Variants in NDST4 observed in about 807,000 individuals in gnomAD.
NDST4 encodes N-deacetylase and N-sulfotransferase 4.
In NDST4, 63 loss-of-function variants were observed where a neutral mutation model predicts 100.8. The ratio of observed to expected loss-of-function variants is 0.62; its 90% CI spans 0.51 to 0.77. The LOEUF (loss-of-function observed/expected upper bound fraction) is 0.77. NDST4 is among the 30% of genes least tolerant of loss of function. The probability of loss-of-function intolerance (pLI) is 0.00; values close to 1 mark genes in which losing one functional copy is unlikely to be tolerated. For synonymous variants in NDST4, 377 were observed against 361.8 expected (o/e 1.04, Z -0.48); for missense variants, 943 against 1,018.4 (o/e 0.93, Z 1.01).
Position 114,979,249 on chromosome 4 carries a change from C to CTT in NDST4, c.979-1976_979-1975insAA, listed in dbSNP as rs765108301. Among the ~76,000 whole-genome samples the CTT allele has an allele frequency of 7.1e-4, 108 of 151,858 alleles. 1 individual carries two copies. Among genetic ancestry groups the CTT allele is most frequent in the East Asian group, 6.0e-4 (3 of 5,042 alleles). On this transcript the variant is annotated intron_variant, in intron 2 of 13. Transcript: ENST00000264363. ...TTTTTGTATAAAGCCTCCTCTGGTA[C>CTT]ACCAAAGTAGATTCCTAAATTATTT...
rs764464471 is a variant in NDST4 at position 114,977,150 on chromosome 4, A to T, written c.1066+37T>A. The stretch of plus-strand genomic sequence containing the variant: ...ATCATTCAAAATTTATTTCCTATTT[A>T]TATGTAGCTGCCTGAGAACACAAAG... On this transcript the variant is annotated intron_variant, in intron 3 of 13. Coordinates refer to ENST00000264363, the MANE Select transcript of NDST4 (RefSeq NM_022569.3). The T allele has an allele frequency of 4.8e-6, 6 of 1,238,966 alleles. No individual in the cohort carries two copies. The Admixed American group carries it at 1.2e-4, about 24-fold the overall frequency. 76.7% of individuals were successfully genotyped at this position (1,238,966 alleles called of 1,614,324 possible).
At chr4:115,013,815 C>CTGCCTTTTCCTAGGAAAAGGCAG in intron 2 of NDST4, among the ~76,000 whole-genome samples, 1 of 151,972 alleles carries the variant, frequency 6.6e-6, no homozygotes, top group African/African-American at 2.4e-5. Context: ...GTGGAAGCCA[C>CTGCCTTTTCCTAGGAAAAGGCAG]TGGAACTGCC....
At chr4:114,830,150 C>G (rs955031271) in intron 12 of NDST4, among the ~76,000 whole-genome samples, 2 of 152,222 alleles carry the variant, frequency 1.3e-5, no homozygotes, top group East Asian at 3.9e-4. Flanking sequence ...ACATTTTTAA[C>G]TTAAGTTCCT....
intron 2 of NDST4, among the ~76,000 whole-genome samples, chr4:114,982,230 G>C (rs1177266099): frequency 2.6e-5 from 4 of 152,144 alleles, no homozygotes; most frequent in African/African-American, 2.4e-5. Flanking sequence ...CAGTTTGAAG[G>C]GTTCAGAAGA....
In NDST4 at chr4:114,827,772, T is replaced by TTTA. The variant is rs1553946659; in HGVS notation, c.*43_*44insTAA. 6.3e-7 allele frequency: 1 copy of TTTA among 1,583,374 alleles called. No individual in the cohort carries two copies. The highest frequency in any genetic ancestry group is 1.4e-5 in the African/African-American group (1 of 72,288). Reference sequence around the variant, plus strand: ...AATAAAGGTGGATTTATTTTTTTTTTAACACTAAAAGTATCTTGAGAGGCT... The same window carrying TTTA: ...AATAAAGGTGGATTTATTTTTTTTTTTTAAACACTAAAAGTATCTTGAGAGGCT... On this transcript the variant is annotated 3_prime_UTR_variant, in exon 14 of 14. Coordinates refer to ENST00000264363, the MANE Select transcript of NDST4 (RefSeq NM_022569.3).
At chr4:115,035,354 A>C (rs553708990) in intron 2 of NDST4, among the ~76,000 whole-genome samples, 1 of 152,180 alleles carries the variant, frequency 6.6e-6, no homozygotes, top group African/African-American at 2.4e-5. Context: ...ACAGAAAACA[A>C]GCGCTATAAA....
chr4:115,023,683 TA>T (rs1727912401), intron 2 of NDST4, among the ~76,000 whole-genome samples: 1 of 150,810 alleles, frequency 6.6e-6, no homozygotes. Flanking sequence ...ATGAAAAGAG[TA>T]AAAAACTGTG....
chr4:114,831,713 A>AT lies in NDST4; in HGVS notation c.2397-1822dup, dbSNP rs544883755. ...AGAGCCCTCCAGAATACCGAAAGTCATTTTTTTTAGATAGGGTTGTCATAA... is the reference window on the plus strand; with the variant it reads ...AGAGCCCTCCAGAATACCGAAAGTCATTTTTTTTTAGATAGGGTTGTCATAA... On this transcript the variant is annotated intron_variant, in intron 12 of 13. Coordinates refer to ENST00000264363, the MANE Select transcript of NDST4 (RefSeq NM_022569.3). Among the ~76,000 whole-genome samples the AT allele has an allele frequency of 7.9e-5, 12 of 152,064 alleles. No individual in the cohort carries two copies. In the South Asian group the frequency reaches 1.2e-3, roughly 16 times the overall value.
intron 2 of NDST4, among the ~76,000 whole-genome samples, chr4:115,072,416 GAAAAC>G (rs1729096696): frequency 1.3e-5 from 2 of 151,674 alleles, no homozygotes; most frequent in Admixed American, 6.6e-5. Flanking sequence ...CAATCTTGAG[GAAAAC>G]AAAACAAAGC....
chr4:115,051,949 A>G (rs1728592828), intron 2 of NDST4, among the ~76,000 whole-genome samples: 1 of 152,136 alleles, frequency 6.6e-6, no homozygotes, highest in South Asian at 2.1e-4. Flanking sequence ...TGACATATCC[A>G]CATCAGATTT....
chr4:115,072,066 A>G (rs1729089827), intron 2 of NDST4, among the ~76,000 whole-genome samples: 2 of 152,108 alleles, frequency 1.3e-5, no homozygotes, highest in African/African-American at 4.8e-5. Context: ...CTAAGGAAAA[A>G]TACAAATATT....
chr4:114,865,341 G>A (rs1223843049), intron 7 of NDST4, among the ~76,000 whole-genome samples: 1 of 152,162 alleles, frequency 6.6e-6, no homozygotes, highest in Non-Finnish European at 1.5e-5. Flanking sequence ...GGGATTATAG[G>A]AGTGAGCCAC....
At chr4:114,935,523 A>G (rs1471206496) in intron 5 of NDST4, among the ~76,000 whole-genome samples, 189 bp from the exon 6 acceptor site, 1 of 145,780 alleles carries the variant, frequency 6.9e-6, no homozygotes, top group Non-Finnish European at 1.5e-5. Flanking sequence ...TTTCCATATC[A>G]AAGGCATAAA....
chr4:114,917,598 TGA>T (rs1374535470), intron 6 of NDST4, among the ~76,000 whole-genome samples: 1 of 152,052 alleles, frequency 6.6e-6, no homozygotes, highest in Non-Finnish European at 1.5e-5. Context: ...GGCAACATAG[TGA>T]GACCCTGTCT....
intron 4 of NDST4, among the ~76,000 whole-genome samples, chr4:114,961,992 A>G (rs1486487041): frequency 6.6e-6 from 1 of 152,136 alleles, no homozygotes; most frequent in Non-Finnish European, 1.5e-5. Flanking sequence ...ATATGCAATA[A>G]CAAAGTGGGA....
chr4:114,888,021 G>T (rs758557990), intron 6 of NDST4, among the ~76,000 whole-genome samples: 7 of 151,940 alleles, frequency 4.6e-5, no homozygotes, highest in African/African-American at 1.7e-4. Flanking sequence ...TGGCCAACTT[G>T]GCGAAACCCT....
chr4:114,981,096 T>G lies in NDST4; in HGVS notation c.979-3822A>C, dbSNP rs1726760169. ...GGCATGGTGGGGTGTGTAATATACC[T>G]GTAGTCTCAACTACTTCCAGGGTGG... is the stretch of plus-strand genomic sequence containing the variant. On this transcript the variant is annotated intron_variant, in intron 2 of 13. Coordinates refer to ENST00000264363, the MANE Select transcript of NDST4 (RefSeq NM_022569.3). Among the ~76,000 whole-genome samples, 3 of 152,210 alleles carry G rather than the reference T, an allele frequency of 2.0e-5. 1 individual carries two copies. The South Asian group carries it at 6.2e-4, about 32-fold the overall frequency.
At chr4:115,086,504 AT>A (rs1290598824) in intron 1 of NDST4, among the ~76,000 whole-genome samples, 8 of 152,138 alleles carry the variant, frequency 5.3e-5, no homozygotes, top group Admixed American at 2.0e-4. Context: ...CAAAGTGTGC[AT>A]TTTTACCAGT....
intron 3 of NDST4, among the ~76,000 whole-genome samples, chr4:114,972,246 C>T (rs2126241680): frequency 6.6e-6 from 1 of 152,028 alleles, no homozygotes; most frequent in East Asian, 1.9e-4. Flanking sequence ...GATTAAGCAG[C>T]TTCACATGGC....
Sources: allele counts gnomAD v4.1 joint callset (sites outside exome capture counted in the v4.1 genomes callset), GRCh38; gene constraint gnomAD v4.1.1; transcripts MANE v1.5; gene names NCBI Gene and HGNC (gene_info 2026-07-23, HGNC 2026-07-21).